UTRN: variants seen among roughly 807,000 people sequenced by gnomAD.
UTRN encodes the protein utrophin, also known as dystrophin-related protein 1.
In UTRN, 283 loss-of-function variants were observed where a neutral mutation model predicts 463.9. The ratio of observed to expected loss-of-function variants is 0.61; its 90% CI spans 0.55 to 0.67. The LOEUF (loss-of-function observed/expected upper bound fraction) is 0.67. Among genes scored for constraint, UTRN ranks in the 30% least tolerant of loss-of-function variants. UTRN has a pLI of 0.00. For missense variants in UTRN, 3,922 were observed against 4,084.3 expected (o/e 0.96, Z 1.08); for synonymous variants, 1,442 against 1,431.5 (o/e 1.01, Z -0.17).
intron 54 of UTRN, among the ~76,000 whole-genome samples, chr6:144,736,780 T>G (rs1286094421): frequency 6.6e-6 from 1 of 152,164 alleles, no homozygotes; most frequent in African/African-American, 2.4e-5. Flanking sequence ...GGCCCCACCT[T>G]GTGCCTCTCT....
chr6:144,695,205 G>A (rs1783864364), intron 52 of UTRN, among the ~76,000 whole-genome samples: 1 of 152,134 alleles, frequency 6.6e-6, no homozygotes, highest in Non-Finnish European at 1.5e-5. Context: ...TTATATGCTA[G>A]ATCTACCCTA....
At chr6:144,361,829 C>T (rs993775332) in intron 2 of UTRN, among the ~76,000 whole-genome samples, 2 of 147,524 alleles carry the variant, frequency 1.4e-5, no homozygotes, top group East Asian at 2.0e-4. Flanking sequence ...TGGTCTTGAA[C>T]TCCTGGGCTT....
rs200002024 is a variant in UTRN at position 144,625,189 on chromosome 6, G to GT, written c.7479+47902dup. Among the ~76,000 whole-genome samples, 650 of 152,266 alleles carry GT rather than the reference G, an allele frequency of 4.3e-3. 7 individuals carry two copies. The highest frequency in any genetic ancestry group is 0.013 in the African/African-American group (559 of 41,568). On this transcript the variant is annotated intron_variant, in intron 51 of 74. Coordinates refer to ENST00000367545, the MANE Select transcript of UTRN (RefSeq NM_007124.3). ...GCCCCCTGTAAAGAAACCAGTGAAT[G>GT]TAACGTTTCAAATATGGAGCAGCCA...
At chr6:144,630,359 G>A (rs1002949763) in intron 51 of UTRN, among the ~76,000 whole-genome samples, 2 of 152,120 alleles carry the variant, frequency 1.3e-5, no homozygotes, top group African/African-American at 4.8e-5. Flanking sequence ...ACCTGACACT[G>A]GGTGATTTAT....
intron 65 of UTRN, among the ~76,000 whole-genome samples, chr6:144,816,795 G>A (rs1362160958): frequency 6.8e-6 from 1 of 146,366 alleles, no homozygotes; most frequent in African/African-American, 2.5e-5. Flanking sequence ...GCCCAGGCTG[G>A]TCTCGAACTC....
At chr6:144,608,682 C>T (rs956526287) in intron 51 of UTRN, among the ~76,000 whole-genome samples, 1 of 152,102 alleles carries the variant, frequency 6.6e-6, no homozygotes, top group Non-Finnish European at 1.5e-5. Context: ...TTTTGGGTCC[C>T]TTTGTGGGAG....
At chr6:144,330,271 G>A (rs984166069) in intron 2 of UTRN, among the ~76,000 whole-genome samples, 2 of 152,106 alleles carry the variant, frequency 1.3e-5, no homozygotes, top group African/African-American at 4.8e-5. Flanking sequence ...AGAGGGCTGT[G>A]GATTAAAATT....
chr6:144,459,839 C>T (rs1424893178), intron 21 of UTRN, among the ~76,000 whole-genome samples: 3 of 152,066 alleles, frequency 2.0e-5, no homozygotes, highest in African/African-American at 7.2e-5. Flanking sequence ...ATCTTCCCAC[C>T]TCAGCCTCCC....
chr6:144,589,335 C>T (rs1379848149), intron 51 of UTRN, among the ~76,000 whole-genome samples: 5 of 152,116 alleles, frequency 3.3e-5, no homozygotes, highest in African/African-American at 9.7e-5. Flanking sequence ...TGTGTTTTCT[C>T]ATATATTACA....
rs538138119 is a variant in UTRN, at chr6:144,674,954, A to G, written c.7480-3452A>G. Among the ~76,000 whole-genome samples the G allele has an allele frequency of 4.6e-5, 7 of 152,306 alleles. No individual in the cohort carries two copies. In the South Asian group the frequency reaches 1.2e-3, roughly 27 times the overall value. ...TTCTGAATTATTTATCTGGCAATTC[A>G]GATATTTCTTGTTGGTTTGGATTGG... On this transcript the variant is annotated intron_variant, in intron 51 of 74. Coordinates refer to ENST00000367545, the MANE Select transcript of UTRN (RefSeq NM_007124.3).
intron 2 of UTRN, among the ~76,000 whole-genome samples, chr6:144,372,393 A>G (rs956429962): frequency 2.6e-5 from 4 of 152,258 alleles, no homozygotes; most frequent in African/African-American, 9.6e-5. Context: ...AAAATAAGAA[A>G]ATGCAAGTGA....
At chr6:144,722,585 C>T (rs546583528) in intron 53 of UTRN, among the ~76,000 whole-genome samples, 90 of 152,138 alleles carry the variant, frequency 5.9e-4, no homozygotes, top group Middle Eastern at 3.4e-3. Flanking sequence ...ACTGTGACAC[C>T]GTGATGTGCA....
chr6:144,693,295 A>T (rs976281310), intron 52 of UTRN, among the ~76,000 whole-genome samples: 4 of 151,940 alleles, frequency 2.6e-5, no homozygotes, highest in African/African-American at 9.7e-5. Flanking sequence ...GTTACTATAG[A>T]CCTGTAGTAT....
At chr6:144,565,321 A>G (rs1800305484) in intron 50 of UTRN, among the ~76,000 whole-genome samples, 1 of 152,176 alleles carries the variant, frequency 6.6e-6, no homozygotes, top group Non-Finnish European at 1.5e-5. Context: ...ATCTAAGTAT[A>G]TAGGTTAAAT....
chr6:144,622,184 GTTTTTTTTTTTT>G (rs1199579909), intron 51 of UTRN, among the ~76,000 whole-genome samples: 2 of 88,202 alleles, frequency 2.3e-5, no homozygotes, highest in African/African-American at 4.3e-5. Context: ...TTTTTTTGTT[GTTTTTTTTTTTT>G]TTTTTTTTTG....
At chr6:144,298,365 A>G (rs1196667801) in intron 2 of UTRN, among the ~76,000 whole-genome samples, 1 of 152,202 alleles carries the variant, frequency 6.6e-6, no homozygotes, top group Non-Finnish European at 1.5e-5. Flanking sequence ...TCCAGGAAGC[A>G]GGTAGTTTCC....
Position 144,514,016 on chromosome 6 carries a change from T to G in UTRN, c.5052T>G (p.Ser1684Arg). Residue 1684 changes from serine to arginine, a missense_variant, in exon 36 of 75, where the codon AGT becomes AGG. By Grantham distance (110) the Ser-to-Arg change is moderately radical. Coordinates refer to ENST00000367545, the MANE Select transcript of UTRN (RefSeq NM_007124.3). ...ATGAAATTGAAAAGAAACCAACAAG[T>G]AAACAGGAAGAAATTGTGAAGGTAG... is the stretch of plus-strand genomic sequence containing the variant. ...LLDEIEKKPT[S>R]KQEEIVKRLV... 1 of 1,613,898 alleles carries G rather than the reference T, an allele frequency of 6.2e-7. No homozygotes were observed. The highest frequency in any genetic ancestry group is 8.5e-7 in the Non-Finnish European group (1 of 1,179,874).
intron 14 of UTRN, among the ~76,000 whole-genome samples, chr6:144,445,351 C>CA (rs11419379): frequency 0.63 from 67,235 of 106,452 alleles, 22,263 homozygotes; most frequent in Middle Eastern, 0.75. Context: ...GACTCCCTCT[C>CA]AAAAAAAAAA....
intron 2 of UTRN, among the ~76,000 whole-genome samples, chr6:144,354,843 A>G (rs1778413497): frequency 6.6e-6 from 1 of 152,078 alleles, no homozygotes; most frequent in Non-Finnish European, 1.5e-5. Flanking sequence ...GATGTTACCC[A>G]TCAGTGTTTT....
Sources: allele counts gnomAD v4.1 joint callset (sites outside exome capture counted in the v4.1 genomes callset), GRCh38; gene constraint gnomAD v4.1.1; transcripts MANE v1.5; gene names NCBI Gene and HGNC (gene_info 2026-07-23, HGNC 2026-07-21).